TTC7B: variants seen among roughly 807,000 people sequenced by gnomAD.
TTC7B encodes tetratricopeptide repeat domain 7B, also known as tetratricopeptide repeat protein 7B.
Under a neutral mutation model 106.8 loss-of-function variants are expected in TTC7B, and 28 were observed. That is an observed-to-expected ratio of 0.26 (90% CI 0.19 to 0.36). TTC7B has a LOEUF of 0.36. Among genes scored for constraint, TTC7B ranks in the 10% least tolerant of loss-of-function variants. The pLI, the probability that TTC7B is intolerant of heterozygous loss-of-function variation, is 1.00. For synonymous variants in TTC7B, 405 were observed against 430.6 expected, an observed-to-expected ratio of 0.94 and a Z score of 0.74; for missense variants, 862 against 1,076.4, an observed-to-expected ratio of 0.80 and a Z score of 2.79.
rs145204823 is a variant in TTC7B at position 90,780,776 on chromosome 14, T to C, written c.407A>G (p.Tyr136Cys). ...GGCTTCTGCGATCACCCGCAGCCTG[T>C]AGGGCGGGACAGCTGTCAGTGGCAG... is the stretch of plus-strand genomic sequence containing the variant. ...DDLPLTAVPP[Y>C]RLRVIAEAYA... is the part of the protein sequence containing the mutation. The change falls in exon 3 of 20, where the codon TAC becomes TGC. Residue 136 changes from tyrosine (Y) to cysteine (C), a missense_variant. By Grantham distance (194) the Tyr-to-Cys change is radical (BLOSUM62 -2). Transcript: ENST00000328459. 3.1e-4 allele frequency: 504 copies of C among 1,614,258 alleles called. No individual in the cohort carries two copies. The highest frequency in any genetic ancestry group is 4.2e-4 in the Admixed American group (25 of 60,030).
chr14:90,782,443 A>G (rs1402329365), intron 2 of TTC7B, among the ~76,000 whole-genome samples: 1 of 152,174 alleles, frequency 6.6e-6, no homozygotes, highest in Non-Finnish European at 1.5e-5. Flanking sequence ...TACTAAAAAT[A>G]CAAAAATTAG....
At chr14:90,617,673 T>G (rs1330666324) in intron 16 of TTC7B, among the ~76,000 whole-genome samples, 1 of 152,202 alleles carries the variant, frequency 6.6e-6, no homozygotes, top group East Asian at 1.9e-4. Context: ...AGAGATCCAT[T>G]GTGAACTGAG....
chr14:90,643,364 T>C (rs551059852), intron 15 of TTC7B, among the ~76,000 whole-genome samples: 28 of 151,302 alleles, frequency 1.9e-4, no homozygotes, highest in Non-Finnish European at 2.2e-4. Flanking sequence ...GCCGAGACCA[T>C]GCCACTGCAC....
At chr14:90,703,231 C>G (rs1382920980) in intron 5 of TTC7B, among the ~76,000 whole-genome samples, 6 of 152,142 alleles carry the variant, frequency 3.9e-5, no homozygotes, top group Non-Finnish European at 8.8e-5. Flanking sequence ...TTTTAATAGT[C>G]CAGAAAAGTG....
chr14:90,809,559 C>A (rs2030785127), intron 1 of TTC7B, among the ~76,000 whole-genome samples: 1 of 152,254 alleles, frequency 6.6e-6, no homozygotes, highest in South Asian at 2.1e-4. Context: ...CCCACCAACC[C>A]CAAGGGCAAA....
Position 90,537,374 on chromosome 14 carries a change from G to GCGGA in TTC7B, c.*3993_*3994insTCCG, listed in dbSNP as rs1555372756. On this transcript the variant is annotated 3_prime_UTR_variant, in exon 20 of 20. Coordinates refer to ENST00000328459, the MANE Select transcript of TTC7B (RefSeq NM_001010854.2). Reference sequence around the variant, plus strand: ...GCTATTTTTTTTTTTTTGTAGAGATGGGGGGGGGGTCTCACCATGTTGCCC... The same window carrying GCGGA: ...GCTATTTTTTTTTTTTTGTAGAGATGCGGAGGGGGGGGGTCTCACCATGTTGCCC... 2.5e-5 allele frequency: 1 copy of GCGGA among 39,876 alleles called. No homozygotes were observed. Among genetic ancestry groups the GCGGA allele is most frequent in the African/African-American group, 8.9e-5 (1 of 11,202 alleles). 2.5% of individuals were successfully genotyped at this position (39,876 alleles called of 1,614,324 possible).
rs142494967 is a variant in TTC7B at position 90,812,289 on chromosome 14, T to C, written c.121+3886A>G. 1.6e-3 allele frequency among the ~76,000 whole-genome samples: 238 copies of C among 152,222 alleles called. 1 individual carries two copies. Among genetic ancestry groups the C allele is most frequent in the African/African-American group, 5.1e-3 (210 of 41,560 alleles). On this transcript the variant is annotated intron_variant, in intron 1 of 19. Coordinates refer to ENST00000328459, the MANE Select transcript of TTC7B (RefSeq NM_001010854.2). Reference sequence around the variant, plus strand: ...TTCACACACAGTGGTGACCTCATCATTGGGAGGCTGGAGGGTGACATTCTG... The same window carrying C: ...TTCACACACAGTGGTGACCTCATCACTGGGAGGCTGGAGGGTGACATTCTG...
At position 90,570,955 on chromosome 14, in the gene TTC7B, C is replaced by A. The variant is rs575132219; in HGVS notation, c.2310+7151G>T. On this transcript the variant is annotated intron_variant, in intron 19 of 19. Coordinates refer to ENST00000328459, the MANE Select transcript of TTC7B (RefSeq NM_001010854.2). This position sits in a 1 kb window ranked among gnomAD's most constrained non-coding sequence, Gnocchi z 4.0. ...GAACCCAGGCAGCTGGCGCCAGCAC[C>A]GTGCTCCCGATCTTTCCACCGCCTG... Among the ~76,000 whole-genome samples the A allele has an allele frequency of 6.2e-4, 94 of 152,280 alleles. No homozygotes were observed. The highest frequency in any genetic ancestry group is 2.2e-3 in the African/African-American group (90 of 41,564).
intron 13 of TTC7B, chr14:90,647,517 T>C (rs1885514814): frequency 6.5e-6 from 1 of 154,700 alleles, no homozygotes; most frequent in Non-Finnish European, 1.4e-5. Flanking sequence ...AAATGAGGTT[T>C]GGGTTTTTGG....
chr14:90,796,087 T>C (rs1891766470), intron 1 of TTC7B, among the ~76,000 whole-genome samples: 1 of 152,080 alleles, frequency 6.6e-6, no homozygotes, highest in African/African-American at 2.4e-5. Context: ...GCACAAACTA[T>C]ACCATCAGCC....
intron 3 of TTC7B, among the ~76,000 whole-genome samples, chr14:90,772,133 G>A (rs1890886954): frequency 6.6e-6 from 1 of 151,780 alleles, no homozygotes; most frequent in African/African-American, 2.4e-5. Flanking sequence ...ATGGGAGGAG[G>A]CTGGTTCCTC....
chr14:90,684,765 T>C (rs937198392), intron 7 of TTC7B, among the ~76,000 whole-genome samples: 1 of 152,118 alleles, frequency 6.6e-6, no homozygotes, highest in African/African-American at 2.4e-5. Flanking sequence ...AGGGCTCCAG[T>C]AGTGTCCTTT....
At chr14:90,636,957 C>A (rs1307323441) in intron 15 of TTC7B, among the ~76,000 whole-genome samples, 2 of 149,108 alleles carry the variant, frequency 1.3e-5, no homozygotes, top group African/African-American at 4.9e-5. Context: ...GAACACCCAA[C>A]TAAGAGATTA....
intron 17 of TTC7B, among the ~76,000 whole-genome samples, chr14:90,596,183 T>C (rs1183479986): frequency 6.6e-6 from 1 of 152,192 alleles, no homozygotes; most frequent in African/African-American, 2.4e-5. Flanking sequence ...AAAATAACAA[T>C]AATAAATTAT....
intron 3 of TTC7B, among the ~76,000 whole-genome samples, chr14:90,770,793 C>G (rs893597209): frequency 6.6e-6 from 1 of 152,210 alleles, no homozygotes; most frequent in African/African-American, 2.4e-5. Flanking sequence ...TTTTCCAGGA[C>G]AGACCATGTG....
rs183854782 is a variant in TTC7B at position 90,624,691 on chromosome 14, G to A, written c.1752-6646C>T. ...AAGTAATAATTCCCTCCCATCTTCTGTGTCAGTATAAAAAATGTGCTGATT... is the reference window on the plus strand; with the variant it reads ...AAGTAATAATTCCCTCCCATCTTCTATGTCAGTATAAAAAATGTGCTGATT... On this transcript the variant is annotated intron_variant, in intron 15 of 19. Coordinates refer to ENST00000328459, the MANE Select transcript of TTC7B (RefSeq NM_001010854.2). The surrounding 1 kb of genome is among the most constrained non-coding windows in gnomAD (Gnocchi z 4.0). 4.0e-3 allele frequency among the ~76,000 whole-genome samples: 606 copies of A among 152,340 alleles called. 3 individuals are homozygous for A. Among genetic ancestry groups the A allele is most frequent in the Non-Finnish European group, 5.7e-3 (389 of 68,040 alleles).
intron 4 of TTC7B, among the ~76,000 whole-genome samples, chr14:90,738,621 A>T (rs1423113247): frequency 1.2e-4 from 18 of 151,940 alleles, no homozygotes; most frequent in African/African-American, 2.4e-5. Context: ...AAAAAAAAAG[A>T]GGTTAGTATA....
At chr14:90,631,468 G>GC (rs1407984448) in intron 15 of TTC7B, among the ~76,000 whole-genome samples, 1 of 150,794 alleles carries the variant, frequency 6.6e-6, no homozygotes, top group Non-Finnish European at 1.5e-5. Context: ...GAGTACAGTG[G>GC]CATGGTCTCA....
intron 19 of TTC7B, among the ~76,000 whole-genome samples, chr14:90,566,415 A>G (rs1309309251): frequency 6.6e-6 from 1 of 152,214 alleles, no homozygotes; most frequent in Non-Finnish European, 1.5e-5. Flanking sequence ...AATTAGTAAA[A>G]AATGAGTATC....
Sources: gnomAD v4.1 joint callset for allele counts (sites outside exome capture counted in the v4.1 genomes callset) on GRCh38, gnomAD v4.1.1 for gene constraint, Gnocchi (gnomAD v3.1) non-coding constraint, MANE v1.5 for transcripts, NCBI Gene and HGNC (gene_info 2026-07-23, HGNC 2026-07-21) for gene names.